The following COMMD10 variants were observed in gnomAD, a reference collection of about 807,000 sequenced individuals.
COMMD10 encodes the protein COMM domain containing 10.
COMMD10 carries 33 observed loss-of-function variants against 28.9 expected under a neutral mutation model. The observed-to-expected ratio is 1.14, with a 90% CI of 0.87 to 1.53. The LOEUF (loss-of-function observed/expected upper bound fraction) is 1.53. COMMD10 is among the 40% of genes most tolerant of loss of function. COMMD10 has a pLI of 0.00. For missense variants in COMMD10, 310 were observed against 233.4 expected (o/e 1.33, Z -2.14); for synonymous variants, 110 against 81.7 (o/e 1.35, Z -1.87).
chr5:116,099,410 G>C (rs1356928898), intron 4 of COMMD10, among the ~76,000 whole-genome samples: 1 of 124,524 alleles, frequency 8.0e-6, no homozygotes, highest in Non-Finnish European at 1.8e-5. Context: ...CAGTGAACAT[G>C]AGGGTGCAGA....
chr5:116,285,646 G>A (rs1192095404), intron 5 of COMMD10, among the ~76,000 whole-genome samples: 1 of 151,962 alleles, frequency 6.6e-6, no homozygotes, highest in East Asian at 1.9e-4. Context: ...TTAATGCAGT[G>A]TAATACACTA....
At chr5:116,168,756 G>T (rs1379674909) in intron 5 of COMMD10, among the ~76,000 whole-genome samples, 1 of 152,188 alleles carries the variant, frequency 6.6e-6, no homozygotes, top group African/African-American at 2.4e-5. Flanking sequence ...AATGAAGGCA[G>T]AAATAAAAAG....
intron 4 of COMMD10, among the ~76,000 whole-genome samples, chr5:116,126,252 C>G (rs952213629): frequency 6.6e-6 from 1 of 152,146 alleles, no homozygotes; most frequent in Non-Finnish European, 1.5e-5. Context: ...GAACTACAAA[C>G]CACTGCTCAA....
At chr5:116,246,157 T>G (rs1238404031) in intron 5 of COMMD10, among the ~76,000 whole-genome samples, 1 of 152,082 alleles carries the variant, frequency 6.6e-6, no homozygotes. Context: ...AACATGAGTG[T>G]GCAAAAATCG....
At chr5:116,218,223 ATCT>A (rs1379665767) in intron 5 of COMMD10, 5 of 758,868 alleles carry the variant, frequency 6.6e-6, no homozygotes, top group Admixed American at 3.4e-5. Flanking sequence ...AACCTTGCAG[ATCT>A]TCTCTGTGGT....
intron 5 of COMMD10, among the ~76,000 whole-genome samples, chr5:116,135,144 A>T (rs1303568395): frequency 6.6e-6 from 1 of 152,170 alleles, no homozygotes; most frequent in African/African-American, 2.4e-5. Flanking sequence ...TCCTAAGTAG[A>T]TAAGACTATC....
chr5:116,141,260 C>G (rs990626675), intron 5 of COMMD10, among the ~76,000 whole-genome samples: 1 of 151,552 alleles, frequency 6.6e-6, no homozygotes, highest in African/African-American at 2.4e-5. Context: ...TTTCTGGGCT[C>G]TCTATAGTAT....
At chr5:116,208,932 GA>G (rs1748885588) in intron 5 of COMMD10, among the ~76,000 whole-genome samples, 1 of 152,110 alleles carries the variant, frequency 6.6e-6, no homozygotes, top group Admixed American at 6.5e-5. Flanking sequence ...TCGTTTGTTA[GA>G]CCAAACATTG....
intron 5 of COMMD10, among the ~76,000 whole-genome samples, chr5:116,187,037 T>C (rs961193392): frequency 2.0e-5 from 3 of 152,202 alleles, no homozygotes; most frequent in Non-Finnish European, 4.4e-5. Flanking sequence ...ACATTATTTA[T>C]TGAGTACTAC....
intron 5 of COMMD10, among the ~76,000 whole-genome samples, chr5:116,207,189 T>G (rs534843894): frequency 6.6e-6 from 1 of 152,332 alleles, no homozygotes; most frequent in South Asian, 2.1e-4. Context: ...ATTTGCTCTT[T>G]TTACTCCCAT....
chr5:116,255,444 T>C (rs962375880), intron 5 of COMMD10, among the ~76,000 whole-genome samples: 1 of 151,728 alleles, frequency 6.6e-6, no homozygotes, highest in Non-Finnish European at 1.5e-5. Flanking sequence ...TACTGGTTGT[T>C]CCTTTCCGTG....
chr5:116,206,851 A>G (rs111643956), intron 5 of COMMD10, among the ~76,000 whole-genome samples: 62 of 152,272 alleles, frequency 4.1e-4, no homozygotes, highest in African/African-American at 1.3e-3. Flanking sequence ...GGGATATTCA[A>G]TCTAATTTCC....
chr5:116,210,816 A>G (rs867312388), intron 5 of COMMD10, among the ~76,000 whole-genome samples: 1 of 152,118 alleles, frequency 6.6e-6, no homozygotes, highest in South Asian at 2.1e-4. Flanking sequence ...ATCATTCGTC[A>G]TAGGTAAAGA....
chr5:116,195,804 T>C (rs1424753004), intron 5 of COMMD10, among the ~76,000 whole-genome samples: 2 of 151,886 alleles, frequency 1.3e-5, no homozygotes, highest in Non-Finnish European at 2.9e-5. Context: ...AAAGAAAATA[T>C]AACAAATGGC....
chr5:116,219,128 C>A (rs1314586881), intron 5 of COMMD10, among the ~76,000 whole-genome samples: 2 of 152,076 alleles, frequency 1.3e-5, no homozygotes, highest in Non-Finnish European at 2.9e-5. Flanking sequence ...GAGAAACCAG[C>A]CCTGCGGACA....
At chr5:116,171,766 G>A (rs967554274) in intron 5 of COMMD10, among the ~76,000 whole-genome samples, 1 of 152,068 alleles carries the variant, frequency 6.6e-6, no homozygotes, top group Non-Finnish European at 1.5e-5. Context: ...CTCATAAGGG[G>A]GAGTTGAACA....
intron 5 of COMMD10, among the ~76,000 whole-genome samples, chr5:116,150,279 G>A (rs1323598430): frequency 6.6e-6 from 1 of 152,286 alleles, no homozygotes; most frequent in South Asian, 2.1e-4. Context: ...ATAGTTTGAA[G>A]TCAGGTAGTG....
At chr5:116,240,181 A>T (rs1014474549) in intron 5 of COMMD10, among the ~76,000 whole-genome samples, 2 of 152,174 alleles carry the variant, frequency 1.3e-5, no homozygotes, top group Non-Finnish European at 2.9e-5. Flanking sequence ...ATATAAGAAC[A>T]TAAGTGTAGA....
At chr5:116,145,848 C>T (rs558872718) in intron 5 of COMMD10, among the ~76,000 whole-genome samples, 2 of 152,014 alleles carry the variant, frequency 1.3e-5, no homozygotes, top group East Asian at 1.9e-4. Flanking sequence ...GTCTTGCTTC[C>T]TCTTCGCCTT....
Sources: gnomAD v4.1 joint callset for allele counts (sites outside exome capture counted in the v4.1 genomes callset) on GRCh38, gnomAD v4.1.1 for gene constraint, MANE v1.5 for transcripts, NCBI Gene and HGNC (gene_info 2026-07-23, HGNC 2026-07-21) for gene names.